ACTN4: variants seen among roughly 807,000 people sequenced by gnomAD.
ACTN4 encodes actinin alpha 4, also known as alpha-actinin-4.
In ACTN4, 18 loss-of-function variants were observed where a neutral mutation model predicts 114.2. The ratio of observed to expected loss-of-function variants is 0.16; its 90% confidence interval spans 0.11 to 0.23. The LOEUF (loss-of-function observed/expected upper bound fraction) is 0.23. Among genes scored for constraint, ACTN4 ranks in the 10% least tolerant of loss-of-function variants. ACTN4 has a pLI of 1.00. For synonymous variants in ACTN4, 515 were observed against 506.3 expected, an observed-to-expected ratio of 1.02 and a Z score of -0.23; for missense variants, 722 against 1,262.9, an observed-to-expected ratio of 0.57 and a Z score of 6.49.
intron 1 of ACTN4, among the ~76,000 whole-genome samples, chr19:38,651,320 A>G (rs1481559035): frequency 2.0e-5 from 3 of 152,148 alleles, no homozygotes; most frequent in African/African-American, 7.2e-5. Context: ...GTAACCCGTA[A>G]GTAGGTTATG....
At chr19:38,699,777 A>C (rs1172393544) in intron 1 of ACTN4, among the ~76,000 whole-genome samples, 8 of 151,468 alleles carry the variant, frequency 5.3e-5, no homozygotes, top group Non-Finnish European at 1.2e-4. Context: ...AGGAAAAAAA[A>C]GAATAGGAAG....
chr19:38,661,441 T>C (rs1039217017), intron 1 of ACTN4, among the ~76,000 whole-genome samples: 1 of 152,228 alleles, frequency 6.6e-6, no homozygotes, highest in East Asian at 1.9e-4. Context: ...GGCTTTGTAG[T>C]GTGGCTCTCT....
At chr19:38,690,307 A>ACTT (rs897803826) in intron 1 of ACTN4, among the ~76,000 whole-genome samples, 14 of 152,176 alleles carry the variant, frequency 9.2e-5, no homozygotes, top group African/African-American at 3.4e-4. Context: ...CCCACTGTTG[A>ACTT]CTTCCACCCC....
intron 1 of ACTN4, among the ~76,000 whole-genome samples, chr19:38,697,020 T>A (rs1237535301): frequency 6.6e-6 from 1 of 152,226 alleles, no homozygotes; most frequent in Admixed American, 6.5e-5. Flanking sequence ...TACTGTCCTG[T>A]TTATCAGTGA....
At chr19:38,674,050 G>A (rs944655437) in intron 1 of ACTN4, among the ~76,000 whole-genome samples, 1 of 151,968 alleles carries the variant, frequency 6.6e-6, no homozygotes, top group Admixed American at 6.6e-5. Context: ...AAAGTGCTGG[G>A]ATTACAGGCG....
intron 4 of ACTN4, 139 bp from the exon 5 acceptor site, chr19:38,705,905 C>T (rs1968443977): frequency 2.5e-6 from 2 of 795,004 alleles, no homozygotes; most frequent in African/African-American, 1.7e-5. Flanking sequence ...GCTATCACTG[C>T]TGCTGTTGTT....
At chr19:38,699,853 C>G (rs529123415) in intron 1 of ACTN4, among the ~76,000 whole-genome samples, 50 of 152,136 alleles carry the variant, frequency 3.3e-4, no homozygotes, top group Non-Finnish European at 2.9e-5. Context: ...GGAAGCCAGG[C>G]GACACAGGCG....
At chr19:38,683,947 T>TTTTGTG (rs1967657747) in intron 1 of ACTN4, 1 of 152,246 alleles carries the variant, frequency 6.6e-6, no homozygotes, top group South Asian at 2.1e-4. Context: ...CTGCCCTTGG[T>TTTTGTG]TTTGTGTCTT....
chr19:38,710,904 T>C (rs898917872), intron 8 of ACTN4: 4 of 184,834 alleles, frequency 2.2e-5, no homozygotes, highest in Admixed American at 5.4e-5. Flanking sequence ...AAGACCCTTG[T>C]GGTGTGGGAT....
chr19:38,647,967 G>A, intron 1 of ACTN4, 60 bp downstream of exon 1: 1 of 1,404,424 alleles, frequency 7.1e-7, no homozygotes, highest in Non-Finnish European at 9.3e-7. Flanking sequence ...CCGGGGAGGG[G>A]TGGGAGGTCC....
At chr19:38,648,290 G>T in intron 1 of ACTN4, 1 of 178,316 alleles carries the variant, frequency 5.6e-6, no homozygotes, top group Non-Finnish European at 1.2e-5. Context: ...GTGCTGGGAG[G>T]AGAATCAGGG....
intron 1 of ACTN4, among the ~76,000 whole-genome samples, chr19:38,700,296 G>A (rs538340887): frequency 4.2e-3 from 635 of 152,272 alleles, no homozygotes; most frequent in Non-Finnish European, 6.7e-3. Context: ...TGGGGGTGTG[G>A]AAAAAGCACA....
rs1295559703 is a variant in ACTN4 at position 38,730,605 on chromosome 19, G to GCACT, written c.*1174_*1177dup. On this transcript the variant is annotated 3_prime_UTR_variant, in exon 21 of 21. Coordinates refer to ENST00000252699, the MANE Select transcript of ACTN4 (RefSeq NM_004924.6). ...TTCTAGGAGAGCCAGGGCAGAGCTA[G>GCACT]CACTGTCTTAAGCTGTCAACGTGGA... 1.7e-6 allele frequency: 1 copy of GCACT among 592,522 alleles called. No homozygotes were observed. Among genetic ancestry groups the GCACT allele is most frequent in the Non-Finnish European group, 3.0e-6 (1 of 331,446 alleles). 36.7% of individuals were successfully genotyped at this position (592,522 alleles called of 1,614,324 possible).
rs1462398708 is a variant in ACTN4, at chr19:38,710,161, C to T, written c.734-96C>T. On this transcript the variant is annotated intron_variant, in intron 7 of 20. Coordinates refer to ENST00000252699, the MANE Select transcript of ACTN4 (RefSeq NM_004924.6). ...GCGTCACTCTGCAGGTCCCTCTCCCCCAAGGCCGTGGCCTTGGGAGCCCGT... is the reference window on the plus strand; with the variant it reads ...GCGTCACTCTGCAGGTCCCTCTCCCTCAAGGCCGTGGCCTTGGGAGCCCGT... The T allele has an allele frequency of 3.7e-6, 5 of 1,335,026 alleles. No individual in the cohort carries two copies. The Admixed American group carries it at 6.7e-5, about 18-fold the overall frequency. The allele number at this position is 1,335,026 out of a possible 1,614,324, so 82.7% of individuals were successfully genotyped here.
intron 1 of ACTN4, among the ~76,000 whole-genome samples, chr19:38,655,813 G>GT (rs918033091): frequency 1.3e-5 from 2 of 152,148 alleles, no homozygotes; most frequent in Non-Finnish European, 2.9e-5. Context: ...AAAACGATGT[G>GT]TAATTTGCAT....
Position 38,705,008 on chromosome 19 carries a change from A to G in ACTN4, c.472A>G (p.Ile158Val). ...TIILRFAIQD[I>V]SVEETSAKEG... ...CATCCTTAGGTTCGCCATCCAGGAC[A>G]TCTCCGTGGAAGGTGACAGCCACCT... Residue 158 changes from isoleucine to valine, a missense_variant, in exon 4 of 21, where the codon ATC becomes GTC. Ile to Val is a conservative substitution (Grantham distance 29). Coordinates refer to ENST00000252699, the MANE Select transcript of ACTN4 (RefSeq NM_004924.6). 6.2e-7 allele frequency: 1 copy of G among 1,614,112 alleles called. No homozygotes were observed. Among genetic ancestry groups the G allele is most frequent in the Non-Finnish European group, 8.5e-7 (1 of 1,179,984 alleles).
At chr19:38,694,095 T>C (rs1299576589) in intron 1 of ACTN4, among the ~76,000 whole-genome samples, 1 of 152,104 alleles carries the variant, frequency 6.6e-6, no homozygotes, top group Non-Finnish European at 1.5e-5. Flanking sequence ...CCTCCCTAGA[T>C]AGGTCAAGGG....
chr19:38,672,068 CTGTCA>C (rs1211126613), intron 1 of ACTN4, among the ~76,000 whole-genome samples: 3 of 152,012 alleles, frequency 2.0e-5, no homozygotes, highest in Non-Finnish European at 4.4e-5. Flanking sequence ...TCCTGCTGGC[CTGTCA>C]TGTTATTCTG....
intron 7 of ACTN4, among the ~76,000 whole-genome samples, chr19:38,710,005 C>G (rs1401395632): frequency 6.6e-6 from 1 of 152,220 alleles, no homozygotes; most frequent in African/African-American, 2.4e-5. Context: ...AGTTGACTGT[C>G]CTGCTGCTCC....
Sources: allele counts gnomAD v4.1 joint callset (sites outside exome capture counted in the v4.1 genomes callset), GRCh38; gene constraint gnomAD v4.1.1; transcripts MANE v1.5; gene names NCBI Gene and HGNC (gene_info 2026-07-23, HGNC 2026-07-21).